PRIMPOL: variants seen among roughly 807,000 people sequenced by gnomAD.
PRIMPOL encodes the protein DNA-directed primase/polymerase protein.
A neutral mutation model predicts 63.6 loss-of-function variants in PRIMPOL; 54 were observed. That is an observed-to-expected ratio of 0.85 (90% CI 0.68 to 1.07). The LOEUF is 1.07. Ranked by LOEUF, PRIMPOL falls within the 50% of genes least tolerant of loss-of-function variation. The probability of loss-of-function intolerance (pLI) is 0.00; values close to 1 mark genes in which losing one functional copy is unlikely to be tolerated. For synonymous variants in PRIMPOL, 197 were observed against 220.2 expected (o/e 0.89, Z 0.93); for missense variants, 610 against 648.3 (o/e 0.94, Z 0.64).
In PRIMPOL at chr4:184,659,329, A is replaced by T; in HGVS notation, c.181-11A>T. The T allele has an allele frequency of 6.2e-7, 1 of 1,603,462 alleles. No homozygotes were observed. The highest frequency in any genetic ancestry group is 1.1e-5 in the South Asian group (1 of 90,408). ...GTGAATTTTTCTGAATTCTTTTTTG[A>T]TTTTATGCAGGACGTTCATGTATTT... On this transcript the variant is annotated splice_polypyrimidine_tract_variant and intron_variant, in intron 3 of 13. Coordinates refer to ENST00000314970, the MANE Select transcript of PRIMPOL (RefSeq NM_152683.4).
At chr4:184,667,137 AG>A (rs1320858247) in intron 6 of PRIMPOL, among the ~76,000 whole-genome samples, 1 of 152,176 alleles carries the variant, frequency 6.6e-6, no homozygotes, top group African/African-American at 2.4e-5. Flanking sequence ...TTTCTGGATT[AG>A]GGGAAGGTGG....
At position 184,685,590 on chromosome 4, in the gene PRIMPOL, A is replaced by C; in HGVS notation, c.1201A>C (p.Asn401His). The part of the protein sequence containing the change: ...DGIKGGIRRW[N>H]YFFPEELLVY... Reference sequence around the variant, plus strand: ...TTGCATTTTAGGAATTCGGCGTTGGAACTACTTTTTCCCAGAAGAATTACT... The same window carrying C: ...TTGCATTTTAGGAATTCGGCGTTGGCACTACTTTTTCCCAGAAGAATTACT... Residue 401 changes from asparagine to histidine, a missense_variant, in exon 11 of 14, where the codon AAC (asparagine) becomes CAC (histidine). Physicochemically the swap from Asn to His is moderately conservative, Grantham distance 68 (BLOSUM62 1). Around this residue, in one of 3 missense-constraint regions of PRIMPOL, gnomAD observed 444 missense variants for 456.4 expected, o/e 0.97. Coordinates refer to ENST00000314970, the MANE Select transcript of PRIMPOL (RefSeq NM_152683.4). 1 of 1,612,236 alleles carries C rather than the reference A, an allele frequency of 6.2e-7. No homozygotes were observed. Among genetic ancestry groups the C allele is most frequent in the Non-Finnish European group, 8.5e-7 (1 of 1,178,532 alleles).
chr4:184,675,827 A>C (rs979764229), intron 7 of PRIMPOL, among the ~76,000 whole-genome samples: 2 of 152,160 alleles, frequency 1.3e-5, no homozygotes, highest in African/African-American at 2.4e-5. Flanking sequence ...AAAAACAAAC[A>C]AACAAACAAA....
At chr4:184,692,471 C>CAAAAAAAAAA (rs60321808) in intron 13 of PRIMPOL, among the ~76,000 whole-genome samples, 3 of 73,806 alleles carry the variant, frequency 4.1e-5, no homozygotes, top group Non-Finnish European at 5.5e-5. Context: ...GACTCTGCCT[C>CAAAAAAAAAA]AAAAAAAAAA....
rs1314126501 is a variant in PRIMPOL at position 184,691,744 on chromosome 4, C to A, written c.1425+32C>A. 5.2e-6 allele frequency: 8 copies of A among 1,548,800 alleles called. No individual in the cohort carries two copies. The South Asian group carries it at 5.6e-5, about 11-fold the overall frequency. On this transcript the variant is annotated intron_variant, in intron 13 of 13. Transcript: ENST00000314970. The stretch of plus-strand genomic sequence containing the variant: ...ACAGATTTTAGTGTCTTTCTCCTTA[C>A]CAGGGAGTTCTTGGTACAATAGTAT...
At position 184,694,825 on chromosome 4, in the gene PRIMPOL, A is replaced by T. The variant is rs112946554; in HGVS notation, c.*46A>T. On this transcript the variant is annotated 3_prime_UTR_variant, in exon 14 of 14. Transcript: ENST00000314970. ...TTGTCACCAGGCTATAATTTGCCTG[A>T]TGTCTGTGAGATTTGATAAATATAT... The T allele has an allele frequency of 1.3e-6, 2 of 1,486,110 alleles. No homozygotes were observed. Among genetic ancestry groups the T allele is most frequent in the Admixed American group, 1.8e-5 (1 of 56,520 alleles). 92.1% of individuals were successfully genotyped at this position (1,486,110 alleles called of 1,614,324 possible).
At chr4:184,653,119 T>A (rs1234049072) in intron 2 of PRIMPOL, among the ~76,000 whole-genome samples, 4 of 148,242 alleles carry the variant, frequency 2.7e-5, no homozygotes, top group Non-Finnish European at 6.0e-5. Context: ...GGAAGGAAGG[T>A]AGGTAGGTGA....
chr4:184,669,798 C>T (rs1027819181), intron 6 of PRIMPOL, among the ~76,000 whole-genome samples: 11 of 152,164 alleles, frequency 7.2e-5, no homozygotes, highest in Non-Finnish European at 1.2e-4. Flanking sequence ...CAGGCCTTCT[C>T]CTGGGCTGCC....
chr4:184,656,923 G>T (rs1176903971), intron 2 of PRIMPOL, among the ~76,000 whole-genome samples, 159 bp from the exon 3 acceptor site: 2 of 152,154 alleles, frequency 1.3e-5, no homozygotes, highest in Non-Finnish European at 2.9e-5. Flanking sequence ...CAGGATCTAA[G>T]AATTTCTGAT....
intron 6 of PRIMPOL, among the ~76,000 whole-genome samples, chr4:184,667,421 C>T (rs556578663): frequency 2.5e-4 from 38 of 152,230 alleles, no homozygotes; most frequent in African/African-American, 8.7e-4. Flanking sequence ...AGCGATTCTC[C>T]TGCCTCAGCC....
At chr4:184,670,905 G>T (rs1389392758) in intron 6 of PRIMPOL, among the ~76,000 whole-genome samples, 5 of 152,142 alleles carry the variant, frequency 3.3e-5, no homozygotes, top group African/African-American at 1.2e-4. Context: ...TTTAGAGTAT[G>T]CATTTGTTAA....
intron 11 of PRIMPOL, among the ~76,000 whole-genome samples, chr4:184,687,124 G>A (rs978338776): frequency 5.9e-5 from 9 of 152,150 alleles, no homozygotes; most frequent in Admixed American, 2.0e-4. Flanking sequence ...AGGCTGGAGT[G>A]CAGTGGCATG....
intron 9 of PRIMPOL, among the ~76,000 whole-genome samples, chr4:184,684,307 T>G (rs1314067310): frequency 6.6e-6 from 1 of 151,756 alleles, no homozygotes; most frequent in Non-Finnish European, 1.5e-5. Context: ...AATACAAAAA[T>G]TAGCAAGGCG....
intron 4 of PRIMPOL, 34 bp downstream of exon 4, chr4:184,659,471 T>C (rs1385324991): frequency 5.6e-6 from 8 of 1,434,760 alleles, no homozygotes; most frequent in Non-Finnish European, 7.9e-6. Context: ...CACATTAAGC[T>C]AGAGTTCCAT....
In PRIMPOL at chr4:184,690,282, AGTT is replaced by A. The variant is rs562874215; in HGVS notation, c.1296-1213_1296-1211del. Among the ~76,000 whole-genome samples the A allele has an allele frequency of 7.8e-4, 119 of 152,302 alleles. 1 individual carries two copies. Among genetic ancestry groups the A allele is most frequent in the African/African-American group, 2.7e-3 (111 of 41,570 alleles). On this transcript the variant is annotated intron_variant, in intron 11 of 13. Transcript: ENST00000314970. Reference sequence around the variant, plus strand: ...AAAAACTTTCAAAGTTACTGGCAAAAGTTGTTCACAATATTGTTTTCTTAAAAA... The same window carrying A: ...AAAAACTTTCAAAGTTACTGGCAAAAGTTCACAATATTGTTTTCTTAAAAA...
chr4:184,692,528 A>C (rs964903575), intron 13 of PRIMPOL, among the ~76,000 whole-genome samples: 3 of 151,936 alleles, frequency 2.0e-5, no homozygotes, highest in Non-Finnish European at 4.4e-5. Context: ...AATACACAAG[A>C]AGCAAAGAGG....
At chr4:184,671,349 G>T (rs979451231) in intron 6 of PRIMPOL, among the ~76,000 whole-genome samples, 1 of 152,130 alleles carries the variant, frequency 6.6e-6, no homozygotes, top group Non-Finnish European at 1.5e-5. Context: ...GAGCTCTTGA[G>T]AAATTTGCCA....
At chr4:184,651,682 CT>C (rs1406326617) in intron 1 of PRIMPOL, among the ~76,000 whole-genome samples, 2 of 152,072 alleles carry the variant, frequency 1.3e-5, no homozygotes, top group African/African-American at 2.4e-5. Flanking sequence ...GAGTTTCACC[CT>C]TGTTGCCCAG....
At chr4:184,688,171 C>T (rs1259519705) in intron 11 of PRIMPOL, among the ~76,000 whole-genome samples, 1 of 152,122 alleles carries the variant, frequency 6.6e-6, no homozygotes, top group Admixed American at 6.6e-5. Context: ...TATACATGTG[C>T]TAGAGTTTCT....
Sources: gnomAD v4.1 joint callset for allele counts (sites outside exome capture counted in the v4.1 genomes callset) on GRCh38, gnomAD v4.1.1 for gene constraint, gnomAD v4.1.1 regional missense constraint, MANE v1.5 for transcripts, NCBI Gene and HGNC (gene_info 2026-07-23, HGNC 2026-07-21) for gene names.